Variants in ESPNL observed in about 807,000 individuals in gnomAD.
ESPNL encodes the protein espin like, also known as espin-like protein.
In ESPNL, 49 loss-of-function variants were observed where a neutral mutation model predicts 46.8. That is an observed-to-expected ratio of 1.05 (90% CI 0.83 to 1.33). ESPNL has a LOEUF of 1.33. Among genes scored for constraint, ESPNL ranks in the 40% most tolerant of loss-of-function variants. The probability of loss-of-function intolerance (pLI) is 0.00; values close to 1 mark genes in which losing one functional copy is unlikely to be tolerated. For synonymous variants in ESPNL, 664 were observed against 662.1 expected (o/e 1.00, Z -0.04); for missense variants, 1,540 against 1,436.6 (o/e 1.07, Z -1.16).
chr2:238,115,100 C>A (rs1425762026), intron 4 of ESPNL, among the ~76,000 whole-genome samples: 1 of 152,148 alleles, frequency 6.6e-6, no homozygotes, highest in Admixed American at 6.5e-5. Flanking sequence ...GGTCTTGTGG[C>A]GGTTCTGGAG....
At chr2:238,128,211 A>G (rs370055580) in intron 7 of ESPNL, among the ~76,000 whole-genome samples, 1 of 151,978 alleles carries the variant, frequency 6.6e-6, no homozygotes, top group South Asian at 2.1e-4. Flanking sequence ...CCTGCGTGGT[A>G]CTGCAGATTC....
At position 238,127,721 on chromosome 2, in the gene ESPNL, C is replaced by T. The variant is rs1437951713; in HGVS notation, c.1202C>T (p.Thr401Met). The change falls in exon 7 of 9, where the codon ACG (threonine) becomes ATG (methionine). Residue 401 changes from threonine (T) to methionine (M), a missense_variant. Transcript: ENST00000343063. ...CCTCCGAGGATCATCACCAGTGCCA[C>T]GGCTGACCCCGAGGTTCGTCCTCCA... ...PAPPRIITSA[T>M]ADPEGTETAL... 10 of 1,609,508 alleles carry T rather than the reference C, an allele frequency of 6.2e-6. No individual in the cohort carries two copies. The highest frequency in any genetic ancestry group is 1.6e-4 in the Middle Eastern group (1 of 6,076).
In ESPNL at chr2:238,130,153, C is replaced by T. The variant is rs113130750; in HGVS notation, c.1439C>T (p.Thr480Met). 72 of 1,612,274 alleles carry T rather than the reference C, an allele frequency of 4.5e-5. No individual in the cohort carries two copies. The Middle Eastern group carries it at 5.0e-4, about 11-fold the overall frequency. ...GACAATGGTGGGAGCTCAGGCCCCA[C>T]GGAGCAGGCGGCCTGGAGGTACTCA... is the stretch of plus-strand genomic sequence containing the variant. The part of the protein sequence containing the change: ...AQDNGGSSGP[T>M]EQAAWRYSQT... Residue 480 changes from threonine (T) to methionine (M), a missense_variant, in exon 9 of 9, where the codon ACG (threonine) becomes ATG (methionine). Coordinates refer to ENST00000343063, the MANE Select transcript of ESPNL (RefSeq NM_194312.4).
chr2:238,112,727 T>C (rs140394360), intron 4 of ESPNL, among the ~76,000 whole-genome samples: 262 of 152,356 alleles, frequency 1.7e-3, no homozygotes, highest in Admixed American at 3.4e-3. Context: ...ATTTTGATTC[T>C]TATTTGCTCT....
chr2:238,122,182 C>T (rs989986480), intron 5 of ESPNL, among the ~76,000 whole-genome samples: 6 of 152,242 alleles, frequency 3.9e-5, no homozygotes, highest in East Asian at 1.9e-4. Context: ...AAGACCCCAA[C>T]GGACAGGACC....
At chr2:238,119,549 G>GTGGATGAAGGAGGAA (rs1322411571) in intron 5 of ESPNL, among the ~76,000 whole-genome samples, 8 of 125,098 alleles carry the variant, frequency 6.4e-5, no homozygotes, top group East Asian at 5.4e-4. Flanking sequence ...GATGGAGGAG[G>GTGGATGAAGGAGGAA]TGGATGAAGG....
At position 238,104,819 on chromosome 2, in the gene ESPNL, C is replaced by G; in HGVS notation, c.649C>G (p.His217Asp). The G allele has an allele frequency of 6.5e-7, 1 of 1,544,400 alleles. No homozygotes were observed. The highest frequency in any genetic ancestry group is 1.2e-5 in the South Asian group (1 of 84,050). Residue 217 changes from histidine (H) to aspartate (D), a missense_variant, in exon 3 of 9, where the codon CAC becomes GAC. Transcript: ENST00000343063. ...CCTGCACGCTGCCGCCGCCCGTGGC[C>G]ACTACTCCCTCGTCGTCTGGCTGGT... ...SALHAAAARG[H>D]YSLVVWLVTF... is the part of the protein sequence containing the mutation.
At chr2:238,115,598 G>A (rs1355542325) in intron 4 of ESPNL, among the ~76,000 whole-genome samples, 4 of 152,254 alleles carry the variant, frequency 2.6e-5, no homozygotes, top group African/African-American at 7.2e-5. Flanking sequence ...GTATTTATCT[G>A]TAGAGAATGA....
At chr2:238,125,979 CTGTG>C (rs1043957611) in intron 6 of ESPNL, among the ~76,000 whole-genome samples, 2 of 151,498 alleles carry the variant, frequency 1.3e-5, no homozygotes, top group Non-Finnish European at 2.9e-5. Context: ...GTGATTGTGT[CTGTG>C]TGTGATTGTG....
intron 2 of ESPNL, 88 bp downstream of exon 2, chr2:238,102,219 C>A: frequency 8.2e-7 from 1 of 1,221,338 alleles, no homozygotes; most frequent in Non-Finnish European, 1.1e-6. Flanking sequence ...AGAGGACAGG[C>A]TGGTGGCCTT....
Position 238,117,050 on chromosome 2 carries a change from C to T in ESPNL, c.987+16C>T. The T allele has an allele frequency of 2.5e-6, 4 of 1,601,204 alleles. No individual in the cohort carries two copies. Among genetic ancestry groups the T allele is most frequent in the East Asian group, 2.3e-5 (1 of 44,412 alleles). On this transcript the variant is annotated intron_variant, in intron 5 of 8. Coordinates refer to ENST00000343063, the MANE Select transcript of ESPNL (RefSeq NM_194312.4). ...GGCCCAGCCGGTAAGGCTCAGGGTC[C>T]CCAGCTGCCCTGGAGGCATGGGGGG...
At chr2:238,129,906 G>A (rs949377459) in intron 8 of ESPNL, among the ~76,000 whole-genome samples, 4 of 152,262 alleles carry the variant, frequency 2.6e-5, no homozygotes, top group African/African-American at 7.2e-5. Flanking sequence ...TGCCTGTTGG[G>A]CTGGGAGCCG....
intron 7 of ESPNL, 92 bp from the exon 8 acceptor site, chr2:238,128,615 G>C: frequency 7.7e-7 from 1 of 1,303,340 alleles, no homozygotes; most frequent in Non-Finnish European, 1.1e-6. Flanking sequence ...CGTGCCCTGG[G>C]CGGAGCCAAC....
At chr2:238,104,625 A>C (rs1255082108) in intron 2 of ESPNL, 31 bp from the exon 3 acceptor site, 1 of 1,535,358 alleles carries the variant, frequency 6.5e-7, no homozygotes, top group South Asian at 1.2e-5. Flanking sequence ...ATAGGCAGGG[A>C]CTGGGCCTCC....
chr2:238,104,458 A>T (rs2106464312), intron 2 of ESPNL, among the ~76,000 whole-genome samples, 198 bp from the exon 3 acceptor site: 1 of 152,326 alleles, frequency 6.6e-6, no homozygotes, highest in Admixed American at 6.5e-5. Context: ...CCAGAAAAGG[A>T]CAGGATAGGA....
intron 4 of ESPNL, among the ~76,000 whole-genome samples, chr2:238,115,512 C>G (rs1691796530): frequency 6.6e-6 from 1 of 152,266 alleles, no homozygotes; most frequent in Non-Finnish European, 1.5e-5. Context: ...GCCAGGCCCC[C>G]TGCCACACAC....
At chr2:238,128,439 G>A (rs1408930721) in intron 7 of ESPNL, among the ~76,000 whole-genome samples, 4 of 152,040 alleles carry the variant, frequency 2.6e-5, no homozygotes, top group African/African-American at 9.7e-5. Flanking sequence ...CACAGGGGAC[G>A]GGGAGGGACC....
chr2:238,100,880 T>C (rs1691453708), intron 1 of ESPNL, among the ~76,000 whole-genome samples, 167 bp downstream of exon 1: 1 of 152,218 alleles, frequency 6.6e-6, no homozygotes, highest in African/African-American at 2.4e-5. Flanking sequence ...CCCACGCCTC[T>C]CAGAGCACAA....
chr2:238,124,541 GGGAGAGTGTACGTGCGTGTGTGCA>G (rs1422137956), intron 5 of ESPNL, among the ~76,000 whole-genome samples: 2 of 151,606 alleles, frequency 1.3e-5, no homozygotes, highest in Non-Finnish European at 2.9e-5. Context: ...GGGGGTGTGC[GGGAGAGTGTACGTGCGTGTGTGCA>G]GGAGAGTACG....
Sources: allele counts gnomAD v4.1 joint callset (sites outside exome capture counted in the v4.1 genomes callset), GRCh38; gene constraint gnomAD v4.1.1; transcripts MANE v1.5; gene names NCBI Gene and HGNC (gene_info 2026-07-23, HGNC 2026-07-21).